The following IMPG2 variants were observed in gnomAD, a reference collection of about 807,000 sequenced individuals.
IMPG2 encodes the protein IPM 200.
In IMPG2, 91 loss-of-function variants were observed where a neutral mutation model predicts 129.2. The ratio of observed to expected loss-of-function variants is 0.70; its 90% confidence interval spans 0.59 to 0.84. IMPG2 has a LOEUF of 0.84. Ranked by LOEUF, IMPG2 falls within the 40% of genes least tolerant of loss-of-function variation. The pLI is 0.00. For synonymous variants in IMPG2, 510 were observed against 517.7 expected (o/e 0.99, Z 0.20); for missense variants, 1,430 against 1,461.7 (o/e 0.98, Z 0.35).
At chr3:101,289,273 A>G (rs1034909068) in intron 4 of IMPG2, among the ~76,000 whole-genome samples, 1 of 152,170 alleles carries the variant, frequency 6.6e-6, no homozygotes, top group Non-Finnish European at 1.5e-5. Context: ...AAGTGAGGTG[A>G]CATATTTTAC....
intron 3 of IMPG2, among the ~76,000 whole-genome samples, chr3:101,297,140 C>T (rs1489855542): frequency 6.6e-6 from 1 of 152,108 alleles, no homozygotes; most frequent in Non-Finnish European, 1.5e-5. Context: ...GATCTCCTGA[C>T]CTCATGATCC....
At chr3:101,296,038 T>C (rs958966133) in intron 3 of IMPG2, among the ~76,000 whole-genome samples, 1 of 152,216 alleles carries the variant, frequency 6.6e-6, no homozygotes. Flanking sequence ...CTCTTCCTAC[T>C]TGAATACCAT....
At chr3:101,270,351 A>G (rs146187006) in intron 7 of IMPG2, among the ~76,000 whole-genome samples, 1,918 of 152,272 alleles carry the variant, frequency 0.013, 44 homozygotes, top group African/African-American at 0.044. Context: ...TCCTACAACG[A>G]AAGAGAACCA....
chr3:101,244,863 T>C, intron 12 of IMPG2, 76 bp from the exon 13 acceptor site: 1 of 1,276,498 alleles, frequency 7.8e-7, no homozygotes, highest in South Asian at 1.3e-5. Context: ...TAAAACTAGT[T>C]GCCTGTTTTT....
intron 10 of IMPG2, among the ~76,000 whole-genome samples, chr3:101,256,183 A>AAG (rs1160992613): frequency 6.7e-6 from 1 of 150,206 alleles, no homozygotes; most frequent in Non-Finnish European, 1.5e-5. Context: ...GAAAGAAAGA[A>AAG]AGAAAGAAAG....
intron 4 of IMPG2, among the ~76,000 whole-genome samples, chr3:101,284,616 T>C (rs1243800886): frequency 6.6e-6 from 1 of 152,100 alleles, no homozygotes; most frequent in Admixed American, 6.6e-5. Context: ...ATAAATATCC[T>C]TAGTAGGTAT....
At chr3:101,297,990 C>G (rs575689602) in intron 3 of IMPG2, among the ~76,000 whole-genome samples, 2 of 152,326 alleles carry the variant, frequency 1.3e-5, no homozygotes, top group East Asian at 3.9e-4. Context: ...TCTAATATGA[C>G]AGTGGAGTGT....
At chr3:101,310,675 G>A (rs1230814803) in intron 2 of IMPG2, among the ~76,000 whole-genome samples, 8 of 151,478 alleles carry the variant, frequency 5.3e-5, no homozygotes, top group Non-Finnish European at 8.8e-5. Flanking sequence ...GAGTGTTTAC[G>A]ACATCATTCT....
intron 14 of IMPG2, among the ~76,000 whole-genome samples, chr3:101,237,280 G>A (rs1456701676): frequency 6.6e-6 from 1 of 152,210 alleles, no homozygotes; most frequent in African/African-American, 2.4e-5. Flanking sequence ...AGGGGCAGCT[G>A]TAGGCGCAGT....
At chr3:101,282,244 T>C (rs1176121543) in intron 4 of IMPG2, among the ~76,000 whole-genome samples, 3 of 152,034 alleles carry the variant, frequency 2.0e-5, no homozygotes, top group East Asian at 1.9e-4. Flanking sequence ...TAATGGATGA[T>C]GGTAATATTC....
chr3:101,233,222 C>T (rs1706309456), intron 14 of IMPG2, among the ~76,000 whole-genome samples: 2 of 152,298 alleles, frequency 1.3e-5, no homozygotes, highest in Admixed American at 6.5e-5. Context: ...AACCCTATGA[C>T]CTATCTAAGC....
chr3:101,229,692 A>G, intron 16 of IMPG2, 102 bp from the exon 17 acceptor site: 1 of 975,942 alleles, frequency 1.0e-6, no homozygotes, highest in Non-Finnish European at 1.6e-6. Context: ...AAACAGGTGC[A>G]CTTTACACAA....
At position 101,226,243 on chromosome 3, in the gene IMPG2, A is replaced by ATT. The variant is rs1706221473; in HGVS notation, c.*725_*726insAA. 6.4e-5 allele frequency: 1 copy of ATT among 15,540 alleles called. No individual in the cohort carries two copies. The highest frequency in any genetic ancestry group is 1.8e-4 in the African/African-American group (1 of 5,448). The allele number at this position is 15,540 out of a possible 1,614,324, so 1.0% of individuals were successfully genotyped here. Reference sequence around the variant, plus strand: ...CTAAACTTTATATATATATATATATATATATATATATATATATATATATAT... The same window carrying ATT: ...CTAAACTTTATATATATATATATATATTTATATATATATATATATATATATAT... On this transcript the variant is annotated 3_prime_UTR_variant, in exon 19 of 19. Transcript: ENST00000193391.
intron 7 of IMPG2, among the ~76,000 whole-genome samples, chr3:101,272,611 A>G (rs1277023316): frequency 6.6e-6 from 1 of 152,242 alleles, no homozygotes; most frequent in African/African-American, 2.4e-5. Context: ...ACACTCTTTG[A>G]TGCCAGGTGG....
rs914561295 is a variant in IMPG2 at position 101,275,542 on chromosome 3, T to A, written c.666+121A>T. 9.3e-6 allele frequency: 7 copies of A among 754,544 alleles called. 1 individual carries two copies. In the East Asian group the frequency reaches 1.8e-4, roughly 19 times the overall value. The allele number at this position is 754,544 out of a possible 1,614,324, so 46.7% of individuals were successfully genotyped here. The stretch of plus-strand genomic sequence containing the variant: ...TTTAATGTACTGGTTTTAGGATCCA[T>A]GTCATTTTTCTAACAGGACACTACA... On this transcript the variant is annotated intron_variant, in intron 6 of 18. Coordinates refer to ENST00000193391, the MANE Select transcript of IMPG2 (RefSeq NM_016247.4).
chr3:101,298,559 T>C, intron 3 of IMPG2, among the ~76,000 whole-genome samples: 1 of 152,332 alleles, frequency 6.6e-6, no homozygotes, highest in Admixed American at 6.5e-5. Flanking sequence ...CCATATTCAG[T>C]GCTTCCTTCA....
Position 101,222,798 on chromosome 3 carries a change from T to C in IMPG2, c.*4171A>G, listed in dbSNP as rs533533542. The C allele has an allele frequency of 6.6e-6, 1 of 152,358 alleles. No homozygotes were observed. Among genetic ancestry groups the C allele is most frequent in the Non-Finnish European group, 1.5e-5 (1 of 68,036 alleles). 9.4% of individuals were successfully genotyped at this position (152,358 alleles called of 1,614,324 possible). Reference sequence around the variant, plus strand: ...TCGATATTAAACATATATTACTGTATGTACACTATTGCTTAAGTATCATCA... The same window carrying C: ...TCGATATTAAACATATATTACTGTACGTACACTATTGCTTAAGTATCATCA... On this transcript the variant is annotated 3_prime_UTR_variant, in exon 19 of 19. Coordinates refer to ENST00000193391, the MANE Select transcript of IMPG2 (RefSeq NM_016247.4).
chr3:101,245,981 A>G lies in IMPG2; in HGVS notation c.1364T>C (p.Leu455Ser). ...TTTGTGTGTAGACACTAAATCACCCAAAGGACTTTCTGACCAGAGTTCCCT... is the reference window on the plus strand; with the variant it reads ...TTTGTGTGTAGACACTAAATCACCCGAAGGACTTTCTGACCAGAGTTCCCT... ...TGRELWSESP[L>S]GDLVSTHKLA... is the part of the protein sequence containing the mutation. The change falls in exon 12 of 19, where the codon TTG (leucine) becomes TCG (serine). Residue 455 changes from leucine (L) to serine (S), a missense_variant. Coordinates refer to ENST00000193391, the MANE Select transcript of IMPG2 (RefSeq NM_016247.4). 1 of 1,614,164 alleles carries G rather than the reference A, an allele frequency of 6.2e-7. No homozygotes were observed. Among genetic ancestry groups the G allele is most frequent in the Non-Finnish European group, 8.5e-7 (1 of 1,180,022 alleles).
At chr3:101,305,766 A>T (rs1707183390) in intron 2 of IMPG2, among the ~76,000 whole-genome samples, 1 of 152,128 alleles carries the variant, frequency 6.6e-6, no homozygotes, top group South Asian at 2.1e-4. Context: ...AAACTAATCA[A>T]TTTATTTGCT....
Sources: allele counts gnomAD v4.1 joint callset (sites outside exome capture counted in the v4.1 genomes callset), GRCh38; gene constraint gnomAD v4.1.1; transcripts MANE v1.5; gene names NCBI Gene and HGNC (gene_info 2026-07-23, HGNC 2026-07-21).